Variants in ERAP1 observed in about 807,000 individuals in gnomAD.
The protein encoded by ERAP1 is endoplasmic reticulum aminopeptidase 1.
Under a neutral mutation model 103.7 loss-of-function variants are expected in ERAP1, and 86 were observed. The observed-to-expected ratio is 0.83, with a 90% confidence interval of 0.70 to 0.99. The LOEUF (loss-of-function observed/expected upper bound fraction) is 0.99. Among genes scored for constraint, ERAP1 ranks in the 50% least tolerant of loss-of-function variants. The pLI is 0.00. For synonymous variants in ERAP1, 398 were observed against 402.4 expected, an observed-to-expected ratio of 0.99 and a Z score of 0.13; for missense variants, 1,009 against 1,128.4, an observed-to-expected ratio of 0.89 and a Z score of 1.52.
the ERAP1 span, among the ~76,000 whole-genome samples, chr5:96,838,810 AAC>A: frequency 0.37 from 55,307 of 149,636 alleles, 10,228 homozygotes; most frequent in Non-Finnish European, 0.42. Context: ...ACTTGTCTCT[AAC>A]ACACACACAC....
the ERAP1 span, chr5:96,896,452 C>T: frequency 6.2e-6 from 10 of 1,613,506 alleles, no homozygotes; most frequent in Middle Eastern, 1.7e-4. Context: ...TCCAAACCAG[C>T]GGAAACCCCG....
the ERAP1 span, among the ~76,000 whole-genome samples, chr5:96,825,416 A>G: frequency 6.6e-6 from 1 of 152,198 alleles, no homozygotes; most frequent in South Asian, 2.1e-4. Flanking sequence ...GGTGTATCTT[A>G]GCAAATGTTC....
the ERAP1 span, among the ~76,000 whole-genome samples, chr5:96,831,692 C>T: frequency 6.6e-6 from 1 of 152,186 alleles, no homozygotes; most frequent in Non-Finnish European, 1.5e-5. Flanking sequence ...GCCATCAGTC[C>T]TAGGAATAGC....
rs1777039757 is a variant in ERAP1, at chr5:96,794,063, A to T, written c.920-106T>A. On this transcript the variant is annotated intron_variant, in intron 5 of 18. Coordinates refer to ENST00000443439, the MANE Select transcript of ERAP1 (RefSeq NM_001040458.3). Reference sequence around the variant, plus strand: ...TGTTTGAACCAGCTGCCCGTGCATAATCATGGAGCTCTAGACTGGAAGAAC... The same window carrying T: ...TGTTTGAACCAGCTGCCCGTGCATATTCATGGAGCTCTAGACTGGAAGAAC... 2.7e-6 allele frequency: 3 copies of T among 1,108,536 alleles called. No homozygotes were observed. In the Admixed American group the frequency reaches 5.2e-5, roughly 19 times the overall value. 68.7% of individuals were successfully genotyped at this position (1,108,536 alleles called of 1,614,324 possible). A position where few individuals can be genotyped will look rare whatever the true frequency, so the allele number is the denominator to read the frequency against.
Position 96,766,795 on chromosome 5 carries a change from CA to C in ERAP1, c.2819-3568del, listed in dbSNP as rs536593417. ...AATAACCCTTTCCATGCCTGTTCATCAAATAAGAAACAAGGAAGACCAAATT... is the reference window on the plus strand; with the variant it reads ...AATAACCCTTTCCATGCCTGTTCATCAATAAGAAACAAGGAAGACCAAATT... On this transcript the variant is annotated intron_variant, in intron 19 of 19. Coordinates refer to the ERAP1 transcript ENST00000296754. 2.8e-3 allele frequency among the ~76,000 whole-genome samples: 426 copies of C among 152,278 alleles called. 6 individuals carry two copies. Among genetic ancestry groups the C allele is most frequent in the African/African-American group, 9.7e-3 (404 of 41,544 alleles).
chr5:96,858,111 G>A, the ERAP1 span, among the ~76,000 whole-genome samples: 1 of 152,062 alleles, frequency 6.6e-6, no homozygotes, highest in African/African-American at 2.4e-5. Context: ...TGGTTTTGCT[G>A]TTAAGCCACA....
chr5:96,881,592 G>C, the ERAP1 span: 9 of 428,332 alleles, frequency 2.1e-5, no homozygotes, highest in Non-Finnish European at 2.8e-5. Flanking sequence ...TTTTTCTCAT[G>C]CAACAAGAAG....
the ERAP1 span, chr5:96,903,682 A>G: frequency 1.1e-6 from 1 of 887,380 alleles, no homozygotes; most frequent in Non-Finnish European, 1.7e-6. Context: ...TGGAATTCAA[A>G]CAGTGATCAC....
intron 18 of ERAP1, 111 bp from the exon 19 acceptor site, chr5:96,776,662 A>T: frequency 4.8e-6 from 7 of 1,461,028 alleles, no homozygotes; most frequent in Non-Finnish European, 6.5e-6. Flanking sequence ...TCTATATAGA[A>T]GGCAGTCCCA....
Position 96,790,630 on chromosome 5 carries a change from A to G in ERAP1, c.1334T>C (p.Leu445Pro). 1 of 1,609,718 alleles carries G rather than the reference A, an allele frequency of 6.2e-7. No homozygotes were observed. Among genetic ancestry groups the G allele is most frequent in the Non-Finnish European group, 8.5e-7 (1 of 1,175,970 alleles). The change falls in exon 9 of 19, where the codon CTG (leucine) becomes CCG (proline). Residue 445 changes from leucine (L) to proline (P), a missense_variant. Leu to Pro is a moderately conservative substitution (Grantham distance 98). This residue lies in a region of ERAP1 where 611 missense variants were observed against 651.7 expected (regional missense o/e 0.94). Transcript: ENST00000443439. ...ACTAAGATACTCCCTTAGCATATTC[A>G]GAATACAAGCTCCCTGAAAAGATAA... ...DVSYDKGACI[L>P]NMLREYLSAD...
chr5:96,874,881 C>T, the ERAP1 span, among the ~76,000 whole-genome samples: 3 of 152,222 alleles, frequency 2.0e-5, no homozygotes, highest in Admixed American at 1.3e-4. Context: ...AAGAGCTAAG[C>T]TTGTTATATT....
the ERAP1 span, among the ~76,000 whole-genome samples, chr5:96,899,078 C>T: frequency 6.6e-6 from 1 of 152,100 alleles, no homozygotes; most frequent in African/African-American, 2.4e-5. Context: ...AGTGTAAATT[C>T]CTGTGTTATT....
At chr5:96,886,439 A>G in the ERAP1 span, among the ~76,000 whole-genome samples, 2 of 152,244 alleles carry the variant, frequency 1.3e-5, no homozygotes, top group Non-Finnish European at 2.9e-5. Flanking sequence ...GGGGATCTCA[A>G]AAGCAGGGCT....
At chr5:96,879,695 T>C in the ERAP1 span, 1 of 1,613,072 alleles carries the variant, frequency 6.2e-7, no homozygotes, top group Non-Finnish European at 8.5e-7. Flanking sequence ...CATGTTCCAT[T>C]CTTCTGCAAT....
rs772668678 is a variant in ERAP1 at position 96,783,129 on chromosome 5, C to T, written c.2207G>A (p.Cys736Tyr). 9 of 1,614,196 alleles carry T rather than the reference C, an allele frequency of 5.6e-6. No homozygotes were observed. The highest frequency in any genetic ancestry group is 5.0e-5 in the Admixed American group (3 of 60,014). ...TACGCACGGCTGATAGTTGTGCACA[C>T]AGGCGAGGAGTAGTAGTTGACTCCG... ...MLRSQLLLLA[C>Y]VHNYQPCVQR... Residue 736 changes from cysteine (C) to tyrosine (Y), a missense_variant, in exon 15 of 19, where the codon TGT becomes TAT. Coordinates refer to ENST00000443439, the MANE Select transcript of ERAP1 (RefSeq NM_001040458.3).
Position 96,781,745 on chromosome 5 carries a change from T to G in ERAP1, c.2395A>C (p.Ser799Arg), listed in dbSNP as rs1775199731. The G allele has an allele frequency of 1.2e-6, 2 of 1,614,096 alleles. No individual in the cohort carries two copies. Among genetic ancestry groups the G allele is most frequent in the African/African-American group, 1.3e-5 (1 of 74,934 alleles). Residue 799 changes from serine to arginine, a missense_variant, in exon 16 of 19, where the codon AGC becomes CGC. Around this residue, in one of 3 missense-constraint regions of ERAP1, gnomAD observed 611 missense variants for 651.7 expected, o/e 0.94. Coordinates refer to ENST00000443439, the MANE Select transcript of ERAP1 (RefSeq NM_001040458.3). ...YQFSLSSTEK[S>R]QIEFALCRTQ... ...CTGCAGAGGGCAAATTCAATTTGGC[T>G]TTTCTCAGTACTGGACAAAGAAAAC... is the stretch of plus-strand genomic sequence containing the variant.
the ERAP1 span, among the ~76,000 whole-genome samples, chr5:96,828,284 T>C: frequency 6.6e-6 from 1 of 152,188 alleles, no homozygotes; most frequent in South Asian, 2.1e-4. Flanking sequence ...TAAACATTGA[T>C]ACATTTAGGA....
At chr5:96,854,225 T>C in the ERAP1 span, among the ~76,000 whole-genome samples, 1 of 152,230 alleles carries the variant, frequency 6.6e-6, no homozygotes, top group Non-Finnish European at 1.5e-5. Context: ...AATGAGATGA[T>C]CATGCAAAGA....
At chr5:96,807,994 C>A (rs1778857379), upstream of ERAP1, 2 of 985,594 alleles carry the variant, frequency 2.0e-6, no homozygotes, top group Middle Eastern at 5.2e-4. Context: ...TCGGCCCGAG[C>A]CCTAGCGGCA....
Sources: gnomAD v4.1 joint callset for allele counts (sites outside exome capture counted in the v4.1 genomes callset) on GRCh38, gnomAD v4.1.1 for gene constraint, gnomAD v4.1.1 regional missense constraint, MANE v1.5 for transcripts, NCBI Gene and HGNC (gene_info 2026-07-23, HGNC 2026-07-21) for gene names.